The following SLX4IP variants were observed in gnomAD, a reference collection of about 807,000 sequenced individuals.
SLX4IP encodes SLX4 interacting protein.
SLX4IP carries 34 observed loss-of-function variants against 32.9 expected under a neutral mutation model. The ratio of observed to expected loss-of-function variants is 1.03; its 90% CI spans 0.79 to 1.38. The LOEUF is 1.38. SLX4IP is among the 40% of genes most tolerant of loss of function. SLX4IP has a pLI of 0.00. For missense variants in SLX4IP, 444 were observed against 479.0 expected (o/e 0.93, Z 0.68); for synonymous variants, 172 against 171.7 (o/e 1.00, Z -0.01).
At chr20:10,581,859 C>G (rs1008391823) in intron 4 of SLX4IP, among the ~76,000 whole-genome samples, 2 of 152,120 alleles carry the variant, frequency 1.3e-5, no homozygotes, top group Non-Finnish European at 2.9e-5. Flanking sequence ...AAGTTTGATG[C>G]TGCAGTGAGC....
chr20:10,550,516 C>T (rs2066207241), intron 2 of SLX4IP, among the ~76,000 whole-genome samples: 1 of 152,080 alleles, frequency 6.6e-6, no homozygotes, highest in South Asian at 2.1e-4. Context: ...GATCACCTTG[C>T]TTGATCTCTT....
chr20:10,472,378 C>G (rs367671028), intron 2 of SLX4IP, among the ~76,000 whole-genome samples: 1 of 152,098 alleles, frequency 6.6e-6, no homozygotes, highest in African/African-American at 2.4e-5. Flanking sequence ...CTACAGTCGC[C>G]TGCCACCACG....
chr20:10,556,387 T>C, intron 3 of SLX4IP, 67 bp downstream of exon 3: 1 of 1,453,858 alleles, frequency 6.9e-7, no homozygotes, highest in South Asian at 1.2e-5. Flanking sequence ...ATCAGCTCTT[T>C]CCAGCTTTCA....
intron 4 of SLX4IP, among the ~76,000 whole-genome samples, chr20:10,584,362 G>A (rs192019535): frequency 1.0e-3 from 158 of 152,194 alleles, no homozygotes; most frequent in African/African-American, 3.7e-3. Flanking sequence ...CCAGCTAAAG[G>A]CCTGTTTGTT....
At chr20:10,601,169 T>G (rs575865547) in intron 5 of SLX4IP, among the ~76,000 whole-genome samples, 4 of 152,334 alleles carry the variant, frequency 2.6e-5, no homozygotes, top group Admixed American at 2.0e-4. Context: ...TATTGTATAT[T>G]TAACCATTTT....
At chr20:10,609,720 C>G (rs1198986836) in intron 6 of SLX4IP, among the ~76,000 whole-genome samples, 2 of 152,074 alleles carry the variant, frequency 1.3e-5, no homozygotes, top group African/African-American at 2.4e-5. Context: ...TTCATCATCC[C>G]GAAAGAGGTC....
At chr20:10,504,601 T>C (rs1236570189) in intron 2 of SLX4IP, among the ~76,000 whole-genome samples, 1 of 152,196 alleles carries the variant, frequency 6.6e-6, no homozygotes, top group African/African-American at 2.4e-5. Flanking sequence ...AATGTTAATG[T>C]TGAGCTTATA....
rs370739694 is a variant in SLX4IP at position 10,510,445 on chromosome 20, A to G, written c.28-45786A>G. On this transcript the variant is annotated intron_variant, in intron 2 of 7. Transcript: ENST00000334534. Reference sequence around the variant, plus strand: ...CCACAGGCCCATTGTGCAGTCAAGTATCTTGCTTCCTGCTAGTATCAGCGG... The same window carrying G: ...CCACAGGCCCATTGTGCAGTCAAGTGTCTTGCTTCCTGCTAGTATCAGCGG... Among the ~76,000 whole-genome samples, 81 of 152,308 alleles carry G rather than the reference A, an allele frequency of 5.3e-4. 5 individuals are homozygous for G. The East Asian group carries it at 0.014, about 27-fold the overall frequency.
At chr20:10,469,638 G>A (rs1664287935) in intron 2 of SLX4IP, among the ~76,000 whole-genome samples, 2 of 152,030 alleles carry the variant, frequency 1.3e-5, no homozygotes, top group Non-Finnish European at 2.9e-5. Context: ...GTAAACTCAG[G>A]ATCTCTTACC....
intron 6 of SLX4IP, among the ~76,000 whole-genome samples, chr20:10,616,060 C>A (rs1219457345): frequency 2.0e-5 from 3 of 152,172 alleles, no homozygotes; most frequent in African/African-American, 7.2e-5. Context: ...ATTCCCCAAG[C>A]CTGACCCTAA....
intron 2 of SLX4IP, among the ~76,000 whole-genome samples, chr20:10,527,953 C>G (rs62185072): frequency 0.014 from 2,058 of 152,232 alleles, 18 homozygotes; most frequent in South Asian, 0.046. Context: ...TGTAATTACA[C>G]ATAACCCCCA....
intron 2 of SLX4IP, among the ~76,000 whole-genome samples, chr20:10,466,847 A>G (rs1280062374): frequency 8.3e-6 from 1 of 120,054 alleles, no homozygotes; most frequent in Non-Finnish European, 2.0e-5. Flanking sequence ...AGGAAAGGAG[A>G]GATTTTATTA....
At chr20:10,617,614 A>C (rs1360334615) in intron 6 of SLX4IP, among the ~76,000 whole-genome samples, 2 of 103,250 alleles carry the variant, frequency 1.9e-5, no homozygotes, top group Non-Finnish European at 4.3e-5. Flanking sequence ...CCCAGTATTT[A>C]TTTTTTCTTT....
At chr20:10,436,501 C>T (rs1404429195) in intron 1 of SLX4IP, among the ~76,000 whole-genome samples, 1 of 152,102 alleles carries the variant, frequency 6.6e-6, no homozygotes, top group Non-Finnish European at 1.5e-5. Context: ...GGATTACAGG[C>T]GCGCGCCACC....
intron 1 of SLX4IP, among the ~76,000 whole-genome samples, chr20:10,441,742 T>TTTA (rs397709079): frequency 2.4e-4 from 37 of 152,028 alleles, no homozygotes; most frequent in African/African-American, 8.7e-4. Context: ...TTTTTTTTTT[T>TTTA]ATAAGTAAAC....
chr20:10,608,227 C>G (rs1481331131), intron 6 of SLX4IP, among the ~76,000 whole-genome samples: 1 of 152,168 alleles, frequency 6.6e-6, no homozygotes, highest in Non-Finnish European at 1.5e-5. Context: ...CACTGCCTCT[C>G]CCCTTATTCA....
chr20:10,543,388 A>G (rs1457719469), intron 2 of SLX4IP, among the ~76,000 whole-genome samples: 1 of 152,210 alleles, frequency 6.6e-6, no homozygotes, highest in Non-Finnish European at 1.5e-5. Flanking sequence ...AGGCAATTGG[A>G]TATATGCCTC....
intron 2 of SLX4IP, among the ~76,000 whole-genome samples, chr20:10,476,974 G>A (rs62187247): frequency 0.06 from 9,183 of 152,200 alleles, 382 homozygotes; most frequent in Middle Eastern, 0.092. Context: ...CCAAATTTCA[G>A]CAAAACCAAG....
At chr20:10,542,728 T>A (rs1321619296) in intron 2 of SLX4IP, among the ~76,000 whole-genome samples, 1 of 152,078 alleles carries the variant, frequency 6.6e-6, no homozygotes, top group Non-Finnish European at 1.5e-5. Context: ...GGCTGTTAGT[T>A]TTTTGGAGCC....
Sources: allele counts gnomAD v4.1 joint callset (sites outside exome capture counted in the v4.1 genomes callset), GRCh38; gene constraint gnomAD v4.1.1; transcripts MANE v1.5; gene names NCBI Gene and HGNC (gene_info 2026-07-23, HGNC 2026-07-21).